Variants in DCC observed in about 807,000 individuals in gnomAD.
DCC encodes DCC netrin 1 receptor.
In DCC, 58 loss-of-function variants were observed where a neutral mutation model predicts 172.5. The ratio of observed to expected loss-of-function variants is 0.34; its 90% CI spans 0.27 to 0.42. The LOEUF (loss-of-function observed/expected upper bound fraction) is 0.42, where lower values mean the gene tolerates loss of function less well. DCC is among the 10% of genes least tolerant of loss of function. The pLI is 1.00. For synonymous variants in DCC, 709 were observed against 644.5 expected (o/e 1.10, Z -1.52); for missense variants, 1,740 against 1,791.0 (o/e 0.97, Z 0.51).
chr18:52,823,966 G>A (rs1568127251), intron 2 of DCC, among the ~76,000 whole-genome samples: 1 of 152,168 alleles, frequency 6.6e-6, no homozygotes, highest in Non-Finnish European at 1.5e-5. Context: ...GCAGTGAGTG[G>A]AAAACTTGAT....
At chr18:53,287,244 C>CT (rs145236791) in intron 12 of DCC, among the ~76,000 whole-genome samples, 77 of 152,272 alleles carry the variant, frequency 5.1e-4, no homozygotes, top group African/African-American at 1.9e-3. Context: ...ACTATGTGGT[C>CT]TTTCATGAGT....
chr18:53,127,873 C>A (rs959060248), intron 7 of DCC, among the ~76,000 whole-genome samples: 3 of 152,094 alleles, frequency 2.0e-5, no homozygotes, highest in Non-Finnish European at 4.4e-5. Flanking sequence ...TATTCAGTAC[C>A]TATGGCACCA....
chr18:52,867,996 A>G (rs1342131237), intron 2 of DCC, among the ~76,000 whole-genome samples: 1 of 151,024 alleles, frequency 6.6e-6, no homozygotes, highest in African/African-American at 2.4e-5. Context: ...CAAATAAGGC[A>G]ATTGTTTTGA....
intron 12 of DCC, among the ~76,000 whole-genome samples, chr18:53,230,863 T>A (rs1282867785): frequency 6.6e-6 from 1 of 152,024 alleles, no homozygotes; most frequent in Non-Finnish European, 1.5e-5. Context: ...AATTCAGTGA[T>A]TTTTTGGAAA....
intron 1 of DCC, among the ~76,000 whole-genome samples, chr18:52,631,506 T>A (rs2034675109): frequency 6.6e-6 from 1 of 152,228 alleles, no homozygotes; most frequent in African/African-American, 2.4e-5. Flanking sequence ...CCTTGCTAAT[T>A]TAAAGAATCT....
chr18:52,630,053 G>A (rs937920830), intron 1 of DCC, among the ~76,000 whole-genome samples: 1 of 150,178 alleles, frequency 6.7e-6, no homozygotes, highest in Non-Finnish European at 1.5e-5. Context: ...GGAAGTAGAG[G>A]TTGAGCTGAG....
intron 1 of DCC, among the ~76,000 whole-genome samples, chr18:52,463,953 T>C (rs1346326408): frequency 6.6e-6 from 1 of 152,194 alleles, no homozygotes; most frequent in African/African-American, 2.4e-5. Context: ...AGTATTGTAG[T>C]CTTTATAGCG....
At chr18:52,649,341 C>A (rs1239253574) in intron 1 of DCC, among the ~76,000 whole-genome samples, 4 of 146,750 alleles carry the variant, frequency 2.7e-5, no homozygotes, top group Non-Finnish European at 5.9e-5. Context: ...CCACTGCACT[C>A]CAGCTTGGGT....
intron 12 of DCC, among the ~76,000 whole-genome samples, chr18:53,269,245 G>GT (rs1340851482): frequency 3.9e-5 from 6 of 152,048 alleles, no homozygotes. Context: ...ATAAAATGTG[G>GT]TTTTAACAAA....
chr18:52,651,499 C>CT lies in DCC; in HGVS notation c.92-100540dup, dbSNP rs202034422. Among the ~76,000 whole-genome samples the CT allele has an allele frequency of 3.1e-3, 423 of 135,072 alleles. 1 individual carries two copies. Among genetic ancestry groups the CT allele is most frequent in the East Asian group, 9.2e-3 (42 of 4,562 alleles). 88.6% of individuals were successfully genotyped at this position (135,072 alleles called of 152,430 possible). ...CACTTAGCCTATGCATTTTTAAAAT[C>CT]TTTTTTTTTTTTTTTGCAGATGAGT... On this transcript the variant is annotated intron_variant, in intron 1 of 28. Coordinates refer to ENST00000442544, the MANE Select transcript of DCC (RefSeq NM_005215.4).
intron 5 of DCC, among the ~76,000 whole-genome samples, chr18:53,018,014 C>T (rs150181875): frequency 2.8e-3 from 421 of 152,272 alleles, no homozygotes; most frequent in Non-Finnish European, 4.8e-3. Flanking sequence ...TGTACATAAT[C>T]TTGTCTTGAT....
intron 1 of DCC, among the ~76,000 whole-genome samples, chr18:52,507,114 A>T (rs2031258299): frequency 1.3e-5 from 2 of 152,134 alleles, no homozygotes; most frequent in African/African-American, 2.4e-5. Flanking sequence ...TCAAGATAAG[A>T]TGCTAATCCT....
At chr18:52,661,893 T>C (rs2035367449) in intron 1 of DCC, among the ~76,000 whole-genome samples, 1 of 152,104 alleles carries the variant, frequency 6.6e-6, no homozygotes, top group Non-Finnish European at 1.5e-5. Flanking sequence ...CAGGTAGCTA[T>C]AAAATAAGGG....
At chr18:52,725,256 T>A (rs2036534396) in intron 1 of DCC, among the ~76,000 whole-genome samples, 1 of 152,192 alleles carries the variant, frequency 6.6e-6, no homozygotes, top group African/African-American at 2.4e-5. Flanking sequence ...GTCAGAGCAC[T>A]GCTGAGAGCG....
intron 2 of DCC, among the ~76,000 whole-genome samples, chr18:52,860,781 C>A (rs1321362073): frequency 6.6e-6 from 1 of 152,136 alleles, no homozygotes; most frequent in Admixed American, 6.5e-5. Flanking sequence ...AGGCAGATCA[C>A]GAGGTCAGGA....
At chr18:53,270,722 A>G (rs1408418602) in intron 12 of DCC, among the ~76,000 whole-genome samples, 1 of 152,094 alleles carries the variant, frequency 6.6e-6, no homozygotes, top group East Asian at 1.9e-4. Flanking sequence ...TTTTAAAATT[A>G]TGTTTTAGGG....
At chr18:53,089,807 C>T (rs1306968634) in intron 7 of DCC, among the ~76,000 whole-genome samples, 1 of 152,024 alleles carries the variant, frequency 6.6e-6, no homozygotes, top group Non-Finnish European at 1.5e-5. Context: ...TCTCAATTTT[C>T]TTATGATGTA....
At chr18:52,361,746 T>C (rs1984627432) in intron 1 of DCC, among the ~76,000 whole-genome samples, 1 of 152,208 alleles carries the variant, frequency 6.6e-6, no homozygotes, top group African/African-American at 2.4e-5. Flanking sequence ...CAAGTCAAAG[T>C]TTGAGACATA....
At chr18:52,737,620 C>A (rs912090818) in intron 1 of DCC, among the ~76,000 whole-genome samples, 1 of 151,974 alleles carries the variant, frequency 6.6e-6, no homozygotes, top group African/African-American at 2.4e-5. Flanking sequence ...TAGCCTTGGA[C>A]ACAGTGGGCA....
Sources: gnomAD v4.1 joint callset for allele counts (sites outside exome capture counted in the v4.1 genomes callset) on GRCh38, gnomAD v4.1.1 for gene constraint, MANE v1.5 for transcripts, NCBI Gene and HGNC (gene_info 2026-07-23, HGNC 2026-07-21) for gene names.